EGFR: variants seen among roughly 807,000 people sequenced by gnomAD.
EGFR encodes the protein epidermal growth factor receptor, also known as avian erythroblastic leukemia viral (v-erb-b) oncogene homolog.
A neutral mutation model predicts 143.0 loss-of-function variants in EGFR; 58 were observed. The observed-to-expected ratio is 0.41, with a 90% CI of 0.33 to 0.50. EGFR has a LOEUF of 0.50. Ranked by LOEUF, EGFR falls within the 20% of genes least tolerant of loss-of-function variation. EGFR has a pLI of 0.39. For missense variants in EGFR, 1,307 were observed against 1,579.0 expected, an observed-to-expected ratio of 0.83 and a Z score of 2.92; for synonymous variants, 613 against 594.4, an observed-to-expected ratio of 1.03 and a Z score of -0.45.
At chr7:55,147,605 A>G (rs1225032580) in intron 4 of EGFR, among the ~76,000 whole-genome samples, 4 of 151,852 alleles carry the variant, frequency 2.6e-5, no homozygotes, top group Non-Finnish European at 5.9e-5. Context: ...CATTTTATGG[A>G]TGGATTGTGA....
rs1436215186 is a variant in EGFR, at chr7:55,091,879, CACACACACACA to C, written c.89-50406_89-50396del. 1.8e-4 allele frequency among the ~76,000 whole-genome samples: 28 copies of C among 151,654 alleles called. No individual in the cohort carries two copies. The Middle Eastern group carries it at 0.014, about 75-fold the overall frequency. ...ACACACACACACACACACACACACA[CACACACACACA>C]CCCTGAGAGAGAGAAAGAGAGAGAG... On this transcript the variant is annotated intron_variant, in intron 1 of 27. Transcript: ENST00000275493.
intron 1 of EGFR, among the ~76,000 whole-genome samples, chr7:55,111,312 C>A (rs1792472926): frequency 6.6e-6 from 1 of 151,798 alleles, no homozygotes; most frequent in Admixed American, 6.6e-5. Flanking sequence ...TCCACAGTAA[C>A]CGGTTTCAGA....
At chr7:55,157,640 G>C (rs2128939544) in intron 10 of EGFR, 23 bp from the exon 11 acceptor site, 1 of 1,609,342 alleles carries the variant, frequency 6.2e-7, no homozygotes, top group African/African-American at 1.3e-5. Flanking sequence ...GTGTGTGTCT[G>C]AAGTCTTTCA....
intron 1 of EGFR, among the ~76,000 whole-genome samples, chr7:55,137,273 A>G (rs897617000): frequency 4.6e-5 from 7 of 152,242 alleles, no homozygotes; most frequent in African/African-American, 1.7e-4. Flanking sequence ...AGCCCAGCTC[A>G]TACCTCAGCA....
chr7:55,130,732 GA>G (rs1197306677), intron 1 of EGFR, among the ~76,000 whole-genome samples: 1 of 152,248 alleles, frequency 6.6e-6, no homozygotes, highest in Non-Finnish European at 1.5e-5. Flanking sequence ...AAATGAAAAA[GA>G]ACAGGGGTGG....
At chr7:55,201,907 T>A in intron 26 of EGFR, 125 bp downstream of exon 26, 3 of 1,209,542 alleles carry the variant, frequency 2.5e-6, no homozygotes, top group Non-Finnish European at 3.6e-6. Context: ...CTGTGTGGGT[T>A]TTTCCCTGCA....
intron 1 of EGFR, among the ~76,000 whole-genome samples, chr7:55,085,961 T>C (rs575653956): frequency 6.6e-6 from 1 of 152,220 alleles, no homozygotes; most frequent in South Asian, 2.1e-4. Context: ...TACTGGAACA[T>C]TCCCTCCCAT....
At chr7:55,101,059 C>T (rs1456623333) in intron 1 of EGFR, among the ~76,000 whole-genome samples, 1 of 152,248 alleles carries the variant, frequency 6.6e-6, no homozygotes, top group Non-Finnish European at 1.5e-5. Context: ...CCTCCCGCGG[C>T]TGAGCAGCCT....
intron 1 of EGFR, among the ~76,000 whole-genome samples, chr7:55,063,588 A>T (rs925958502): frequency 2.6e-5 from 4 of 152,248 alleles, no homozygotes; most frequent in African/African-American, 9.6e-5. Flanking sequence ...CAGCACACGC[A>T]GTTTTTCTCA....
At chr7:55,075,630 CT>C (rs1790093820) in intron 1 of EGFR, among the ~76,000 whole-genome samples, 1 of 152,152 alleles carries the variant, frequency 6.6e-6, no homozygotes, top group South Asian at 2.1e-4. Context: ...GCTCGAGTTC[CT>C]GTAATGGATA....
intron 1 of EGFR, among the ~76,000 whole-genome samples, chr7:55,137,620 A>G (rs1321405137): frequency 6.6e-6 from 1 of 152,250 alleles, no homozygotes; most frequent in African/African-American, 2.4e-5. Context: ...AAGAATGCAC[A>G]GATAACTTCG....
At chr7:55,099,514 G>T (rs1040506834) in intron 1 of EGFR, among the ~76,000 whole-genome samples, 6 of 152,252 alleles carry the variant, frequency 3.9e-5, no homozygotes, top group African/African-American at 1.4e-4. Context: ...TGCAGTCCCA[G>T]ATGGAGGGGG....
intron 1 of EGFR, among the ~76,000 whole-genome samples, chr7:55,084,195 TTC>T (rs1562699585): frequency 1.3e-5 from 2 of 152,192 alleles, no homozygotes; most frequent in Non-Finnish European, 2.9e-5. Flanking sequence ...AGGGTCTGGG[TTC>T]TCAGGGACTC....
intron 1 of EGFR, among the ~76,000 whole-genome samples, chr7:55,120,186 G>C (rs1233454357): frequency 6.6e-6 from 1 of 152,184 alleles, no homozygotes; most frequent in African/African-American, 2.4e-5. Flanking sequence ...CCTGGCAGGA[G>C]GACTGCAGAC....
chr7:55,076,202 C>T (rs1371588467), intron 1 of EGFR, among the ~76,000 whole-genome samples: 1 of 152,282 alleles, frequency 6.6e-6, no homozygotes, highest in East Asian at 1.9e-4. Context: ...CAAGCCTACA[C>T]CTTGCTGAAA....
At chr7:55,053,348 A>G (rs367742964) in intron 1 of EGFR, among the ~76,000 whole-genome samples, 5 of 152,316 alleles carry the variant, frequency 3.3e-5, no homozygotes, top group Admixed American at 6.5e-5. Flanking sequence ...TATGCCACTG[A>G]CACTGTCTGC....
chr7:55,144,378 G>C (rs1362122943), intron 3 of EGFR, among the ~76,000 whole-genome samples: 1 of 152,202 alleles, frequency 6.6e-6, no homozygotes, highest in African/African-American at 2.4e-5. Flanking sequence ...CTCCCTTGAG[G>C]GCCCCAGCTA....
intron 23 of EGFR, 65 bp from the exon 24 acceptor site, chr7:55,200,251 C>T (rs1787786309): frequency 2.1e-6 from 3 of 1,446,210 alleles, no homozygotes; most frequent in African/African-American, 1.4e-5. Flanking sequence ...CTTCTTTAAG[C>T]AATGCCATCT....
chr7:55,166,170 A>G (rs9649769), intron 15 of EGFR: 1 of 463,332 alleles, frequency 2.2e-6, no homozygotes, highest in East Asian at 4.0e-5. Flanking sequence ...AAAACAAAAA[A>G]AAAAGCTACT....
Sources: gnomAD v4.1 joint callset for allele counts (sites outside exome capture counted in the v4.1 genomes callset) on GRCh38, gnomAD v4.1.1 for gene constraint, MANE v1.5 for transcripts, NCBI Gene and HGNC (gene_info 2026-07-23, HGNC 2026-07-21) for gene names.